FOXP2: variants seen among roughly 807,000 people sequenced by gnomAD.
The protein encoded by FOXP2 is forkhead box P2.
In FOXP2, 12 loss-of-function variants were observed where a neutral mutation model predicts 115.8. That is an observed-to-expected ratio of 0.10 (90% confidence interval 0.07 to 0.17). FOXP2 has a LOEUF of 0.17. Ranked by LOEUF, FOXP2 falls within the 10% of genes least tolerant of loss-of-function variation. The pLI is 1.00. For synonymous variants in FOXP2, 328 were observed against 297.7 expected (o/e 1.10, Z -1.05); for missense variants, 629 against 843.5 (o/e 0.75, Z 3.15).
At chr7:114,653,478 A>G (rs1201401182) in intron 9 of FOXP2, 1 of 250,112 alleles carries the variant, frequency 4.0e-6, no homozygotes, top group African/African-American at 2.2e-5. Context: ...TGCAGGGGGC[A>G]CTAACTGGAC....
chr7:114,155,558 C>A (rs1306598409), intron 1 of FOXP2, among the ~76,000 whole-genome samples: 2 of 152,102 alleles, frequency 1.3e-5, no homozygotes, highest in African/African-American at 4.8e-5. Flanking sequence ...GGTCTTTTCC[C>A]TGATGCAGGA....
intron 1 of FOXP2, among the ~76,000 whole-genome samples, chr7:114,258,579 A>G (rs143861347): frequency 1.3e-5 from 2 of 152,326 alleles, no homozygotes; most frequent in East Asian, 3.9e-4. Context: ...CTGAAATTAA[A>G]CAAACAAACA....
intron 2 of FOXP2, among the ~76,000 whole-genome samples, chr7:114,438,381 C>A (rs1238552043): frequency 6.6e-6 from 1 of 152,162 alleles, no homozygotes. Flanking sequence ...ACACATCACC[C>A]ATCAGGTGCA....
intron 2 of FOXP2, among the ~76,000 whole-genome samples, chr7:114,381,069 G>A (rs1459833844): frequency 6.6e-6 from 1 of 152,188 alleles, no homozygotes; most frequent in Non-Finnish European, 1.5e-5. Flanking sequence ...GGCTTTCTGA[G>A]TTTCTTTAAT....
intron 2 of FOXP2, among the ~76,000 whole-genome samples, chr7:114,309,579 A>G (rs1156571344): frequency 6.6e-6 from 1 of 152,188 alleles, no homozygotes; most frequent in Non-Finnish European, 1.5e-5. Context: ...GTCAGAGAAC[A>G]GGCTTTAGGC....
chr7:114,159,460 AT>A (rs898134179), upstream of FOXP2, among the ~76,000 whole-genome samples: 2 of 150,862 alleles, frequency 1.3e-5, no homozygotes, highest in Non-Finnish European at 3.0e-5. Context: ...CCAACAAATG[AT>A]TTTTTTTTCA....
chr7:114,455,287 A>G (rs1290082502), intron 2 of FOXP2, among the ~76,000 whole-genome samples: 2 of 152,212 alleles, frequency 1.3e-5, no homozygotes, highest in Admixed American at 6.5e-5. Flanking sequence ...ACTGTTGGTC[A>G]TCCTTCCACT....
chr7:114,528,754 G>T (rs914423883), intron 2 of FOXP2, among the ~76,000 whole-genome samples: 3 of 151,008 alleles, frequency 2.0e-5, no homozygotes, highest in Admixed American at 6.6e-5. Flanking sequence ...CCAAACAAAA[G>T]ATGATATTGG....
chr7:114,125,617 T>G (rs1050913378), intron 1 of FOXP2, among the ~76,000 whole-genome samples: 1 of 152,126 alleles, frequency 6.6e-6, no homozygotes, highest in Non-Finnish European at 1.5e-5. Context: ...TCAGAAGTTC[T>G]CTCTGTGATA....
intron 2 of FOXP2, among the ~76,000 whole-genome samples, chr7:114,320,368 C>G (rs1165425221): frequency 6.6e-6 from 1 of 152,212 alleles, no homozygotes; most frequent in Non-Finnish European, 1.5e-5. Context: ...TCAGCCCTAC[C>G]ACCTCTGTGT....
At chr7:114,410,034 A>G (rs1584702256), upstream of FOXP2, among the ~76,000 whole-genome samples, 6 of 152,182 alleles carry the variant, frequency 3.9e-5, 1 homozygote, top group Admixed American at 3.9e-4. Context: ...GCACTGTCAA[A>G]TATATTTCCT....
At chr7:114,566,355 G>A (rs1439222802) in intron 3 of FOXP2, among the ~76,000 whole-genome samples, 3 of 152,018 alleles carry the variant, frequency 2.0e-5, no homozygotes, top group African/African-American at 7.3e-5. Context: ...TGTTGGAGGT[G>A]GGGCCTCACG....
intron 3 of FOXP2, among the ~76,000 whole-genome samples, chr7:114,580,554 C>T (rs1392596920): frequency 6.6e-6 from 1 of 152,028 alleles, no homozygotes; most frequent in Admixed American, 6.6e-5. Context: ...GTGCTCCAGC[C>T]TGGGCAACAG....
At chr7:114,109,385 G>A (rs73716355) in intron 1 of FOXP2, among the ~76,000 whole-genome samples, 8,318 of 151,956 alleles carry the variant, frequency 0.055, 516 homozygotes, top group African/African-American at 0.16. Flanking sequence ...CATCCTAATA[G>A]TATAAATCAA....
rs144940149 is a variant in FOXP2, at chr7:114,427,381, C to G, written c.168+702C>G. Among the ~76,000 whole-genome samples, 16 of 150,194 alleles carry G rather than the reference C, an allele frequency of 1.1e-4. No individual in the cohort carries two copies. In the East Asian group the frequency reaches 2.7e-3, roughly 26 times the overall value. On this transcript the variant is annotated intron_variant, in intron 2 of 16. Transcript: ENST00000350908. ...CTGTTATTCATTTTATAAGAGATTA[C>G]TTTTTCCTGATTTTGTAAAAAAAAA...
chr7:114,425,672 T>G (rs1461281567), intron 1 of FOXP2, among the ~76,000 whole-genome samples: 1 of 151,682 alleles, frequency 6.6e-6, no homozygotes. Context: ...ATTTCCAGCT[T>G]TCATATCTTA....
intron 2 of FOXP2, among the ~76,000 whole-genome samples, chr7:114,520,239 A>G (rs148985304): frequency 6.6e-6 from 1 of 152,254 alleles, no homozygotes; most frequent in East Asian, 1.9e-4. Flanking sequence ...TTAAATCACT[A>G]TCCACATGGA....
intron 2 of FOXP2, among the ~76,000 whole-genome samples, chr7:114,307,098 C>G (rs527946878): frequency 6.6e-6 from 1 of 152,178 alleles, no homozygotes; most frequent in African/African-American, 2.4e-5. Context: ...TTTGGGAAGC[C>G]ATTATTCTGC....
chr7:114,537,073 G>T (rs1799429665), intron 3 of FOXP2, among the ~76,000 whole-genome samples: 1 of 151,404 alleles, frequency 6.6e-6, no homozygotes, highest in Non-Finnish European at 1.5e-5. Context: ...AGCATGAGTT[G>T]CACTATTTGC....
Sources: gnomAD v4.1 joint callset for allele counts (sites outside exome capture counted in the v4.1 genomes callset) on GRCh38, gnomAD v4.1.1 for gene constraint, MANE v1.5 for transcripts, NCBI Gene and HGNC (gene_info 2026-07-23, HGNC 2026-07-21) for gene names.